Variants in FBXL17 observed in about 807,000 individuals in gnomAD.
FBXL17 encodes F-box/LRR-repeat protein 17.
FBXL17 carries 22 observed loss-of-function variants against 66.2 expected under a neutral mutation model. The ratio of observed to expected loss-of-function variants is 0.33; its 90% CI spans 0.24 to 0.47. The LOEUF is 0.47. Ranked by LOEUF, FBXL17 falls within the 20% of genes least tolerant of loss-of-function variation. The pLI, the probability that FBXL17 is intolerant of heterozygous loss-of-function variation, is 1.00. For synonymous variants in FBXL17, 474 were observed against 400.5 expected, an observed-to-expected ratio of 1.18 and a Z score of -2.19; for missense variants, 878 against 948.2, an observed-to-expected ratio of 0.93 and a Z score of 0.97.
chr5:108,185,918 C>G (rs890155366), intron 6 of FBXL17, among the ~76,000 whole-genome samples, 199 bp downstream of exon 6: 2 of 152,122 alleles, frequency 1.3e-5, no homozygotes, highest in African/African-American at 4.8e-5. Context: ...TGTATTAAAG[C>G]ACCTAAAAAC....
intron 6 of FBXL17, among the ~76,000 whole-genome samples, chr5:108,132,720 G>A (rs532056058): frequency 3.3e-4 from 50 of 152,218 alleles, no homozygotes; most frequent in Admixed American, 8.5e-4. Context: ...CCTCTTGACA[G>A]ACATTTTATT....
chr5:108,153,067 C>T (rs1162402020), intron 6 of FBXL17, among the ~76,000 whole-genome samples: 1 of 152,104 alleles, frequency 6.6e-6, no homozygotes, highest in African/African-American at 2.4e-5. Flanking sequence ...TCTCTCTTTC[C>T]TGCTGCCATG....
chr5:108,351,557 C>G (rs1580869850), intron 3 of FBXL17, among the ~76,000 whole-genome samples: 1 of 152,176 alleles, frequency 6.6e-6, no homozygotes, highest in East Asian at 1.9e-4. Context: ...TGGGGCCACT[C>G]TGCTGGTCAG....
At chr5:107,956,000 C>T (rs2112616928) in intron 7 of FBXL17, among the ~76,000 whole-genome samples, 1 of 152,274 alleles carries the variant, frequency 6.6e-6, no homozygotes, top group Non-Finnish European at 1.5e-5. Flanking sequence ...GAAAGCAAAA[C>T]TAACCCTTCA....
chr5:108,073,415 C>T (rs1368225649), intron 6 of FBXL17, among the ~76,000 whole-genome samples: 1 of 151,956 alleles, frequency 6.6e-6, no homozygotes, highest in East Asian at 1.9e-4. Context: ...GAAAATGTTA[C>T]TCATGAATTT....
intron 7 of FBXL17, among the ~76,000 whole-genome samples, chr5:107,987,606 C>G (rs1266248711): frequency 1.3e-5 from 2 of 151,820 alleles, no homozygotes; most frequent in African/African-American, 4.8e-5. Context: ...TGCTCATGCT[C>G]TTTGCATATT....
At chr5:108,073,073 T>G (rs935906533) in intron 6 of FBXL17, among the ~76,000 whole-genome samples, 1 of 152,302 alleles carries the variant, frequency 6.6e-6, no homozygotes, top group African/African-American at 2.4e-5. Flanking sequence ...TCAGAAAGGC[T>G]ATATTTTAAC....
At chr5:108,279,083 C>T (rs1757599867) in intron 4 of FBXL17, among the ~76,000 whole-genome samples, 1 of 152,204 alleles carries the variant, frequency 6.6e-6, no homozygotes, top group Admixed American at 6.5e-5. Flanking sequence ...CCACTGCCAA[C>T]ACAAGCACAC....
At chr5:107,918,422 AGTATCT>A (rs1750204619) in intron 7 of FBXL17, among the ~76,000 whole-genome samples, 1 of 152,226 alleles carries the variant, frequency 6.6e-6, no homozygotes, top group East Asian at 1.9e-4. Flanking sequence ...AATCTTGATC[AGTATCT>A]TCTGAATAAT....
chr5:108,120,869 A>G (rs993155601), intron 6 of FBXL17, among the ~76,000 whole-genome samples: 1 of 152,170 alleles, frequency 6.6e-6, no homozygotes, highest in African/African-American at 2.4e-5. Context: ...GAAGCACTCA[A>G]ATACTGATTG....
intron 4 of FBXL17, among the ~76,000 whole-genome samples, chr5:108,270,462 ATATT>A (rs1181294543): frequency 8.0e-5 from 12 of 149,442 alleles, no homozygotes; most frequent in African/African-American, 2.4e-4. Flanking sequence ...TATACATCAT[ATATT>A]TATTTATAAA....
At chr5:108,075,362 G>A (rs528828995) in intron 6 of FBXL17, among the ~76,000 whole-genome samples, 16 of 152,242 alleles carry the variant, frequency 1.1e-4, no homozygotes, top group African/African-American at 3.9e-4. Context: ...CACTCTCTGT[G>A]CTTTGAGATG....
chr5:108,342,064 C>A (rs1746917437), intron 4 of FBXL17, among the ~76,000 whole-genome samples: 1 of 152,138 alleles, frequency 6.6e-6, no homozygotes. Flanking sequence ...TTCTTCGACA[C>A]CTCTCACAGT....
intron 4 of FBXL17, among the ~76,000 whole-genome samples, chr5:108,286,117 A>G (rs1054025333): frequency 6.6e-6 from 1 of 152,002 alleles, no homozygotes; most frequent in African/African-American, 2.4e-5. Flanking sequence ...ACCCTCAACA[A>G]ACTAGACATT....
At chr5:108,314,634 C>G (rs1018049808) in intron 4 of FBXL17, among the ~76,000 whole-genome samples, 1 of 149,398 alleles carries the variant, frequency 6.7e-6, no homozygotes, top group African/African-American at 2.5e-5. Context: ...GAAATTAGGC[C>G]AAAAAAATAA....
intron 8 of FBXL17, among the ~76,000 whole-genome samples, chr5:107,876,030 T>C (rs1032194557): frequency 1.3e-5 from 2 of 152,232 alleles, no homozygotes; most frequent in African/African-American, 4.8e-5. Context: ...CATAGGACAT[T>C]AGGGTGGACC....
intron 1 of FBXL17, among the ~76,000 whole-genome samples, chr5:108,374,065 A>G (rs1749251753): frequency 1.3e-5 from 2 of 152,232 alleles, no homozygotes; most frequent in Non-Finnish European, 2.9e-5. Flanking sequence ...AACTGACAGA[A>G]TTGAAAGGAA....
intron 7 of FBXL17, among the ~76,000 whole-genome samples, chr5:108,009,553 GA>G (rs1339031697): frequency 6.6e-6 from 1 of 151,538 alleles, no homozygotes; most frequent in African/African-American, 2.4e-5. Context: ...ACAATTGTTT[GA>G]AAAGTTGAAA....
intron 3 of FBXL17, among the ~76,000 whole-genome samples, chr5:108,351,481 T>C (rs555913831): frequency 6.6e-6 from 1 of 152,306 alleles, no homozygotes; most frequent in Non-Finnish European, 1.5e-5. Context: ...TTTCAGCTCA[T>C]ATGTATACTT....
Sources: gnomAD v4.1 joint callset for allele counts (sites outside exome capture counted in the v4.1 genomes callset) on GRCh38, gnomAD v4.1.1 for gene constraint, MANE v1.5 for transcripts, NCBI Gene and HGNC (gene_info 2026-07-23, HGNC 2026-07-21) for gene names.